CLIC5: variants seen among roughly 807,000 people sequenced by gnomAD.
The protein encoded by CLIC5 is CLIC family member 5.
In CLIC5, 20 loss-of-function variants were observed where a neutral mutation model predicts 24.7. The observed-to-expected ratio is 0.81, with a 90% CI of 0.57 to 1.18. The LOEUF (loss-of-function observed/expected upper bound fraction) is 1.18. CLIC5 is among the 50% of genes most tolerant of loss of function. The pLI is 0.00. For synonymous variants in CLIC5, 159 were observed against 135.6 expected (o/e 1.17, Z -1.20); for missense variants, 341 against 326.1 (o/e 1.05, Z -0.35).
Position 46,015,579 on chromosome 6 carries a change from A to G in CLIC5, c.-37T>C. Reference sequence around the variant, plus strand: ...CCGGGGCTACCGTCCCGGGCCGGGGAGGCGCCACCTCTGCAGCACCTGGGC... The same window carrying G: ...CCGGGGCTACCGTCCCGGGCCGGGGGGGCGCCACCTCTGCAGCACCTGGGC... On this transcript the variant is annotated 5_prime_UTR_variant, in exon 1 of 6. Coordinates refer to ENST00000339561, the MANE Select transcript of CLIC5 (RefSeq NM_016929.5). 1 of 1,540,718 alleles carries G rather than the reference A, an allele frequency of 6.5e-7. No individual in the cohort carries two copies. Among genetic ancestry groups the G allele is most frequent in the East Asian group, 2.5e-5 (1 of 39,410 alleles).
At chr6:45,917,230 C>G (rs537404680) in intron 4 of CLIC5, among the ~76,000 whole-genome samples, 1 of 152,150 alleles carries the variant, frequency 6.6e-6, no homozygotes, top group Non-Finnish European at 1.5e-5. Flanking sequence ...ATCTCAATAA[C>G]GGGACTAAGG....
intron 6 of CLIC5, among the ~76,000 whole-genome samples, chr6:45,891,272 G>C (rs1463173077): frequency 6.6e-6 from 1 of 152,110 alleles, no homozygotes; most frequent in Non-Finnish European, 1.5e-5. Flanking sequence ...AACACATTCT[G>C]CTTCTATTTT....
intron 1 of CLIC5, among the ~76,000 whole-genome samples, chr6:46,059,705 G>A (rs1034798678): frequency 2.0e-5 from 3 of 152,202 alleles, no homozygotes; most frequent in Admixed American, 1.3e-4. Flanking sequence ...CACTGCCTAG[G>A]TTTGCCCGGA....
At chr6:45,950,594 T>C (rs1764439000) in intron 2 of CLIC5, among the ~76,000 whole-genome samples, 1 of 152,096 alleles carries the variant, frequency 6.6e-6, no homozygotes, top group Non-Finnish European at 1.5e-5. Context: ...CAATAAAAAC[T>C]CATACATTTT....
chr6:45,952,708 G>A (rs1472016627), intron 2 of CLIC5, among the ~76,000 whole-genome samples: 2 of 152,142 alleles, frequency 1.3e-5, no homozygotes, highest in Non-Finnish European at 2.9e-5. Context: ...CTACGTCAAA[G>A]GGGTGTTGGC....
chr6:46,094,684 T>C, the CLIC5 span, among the ~76,000 whole-genome samples: 10 of 152,158 alleles, frequency 6.6e-5, no homozygotes, highest in Non-Finnish European at 1.0e-4. Context: ...AGGGTTCAGC[T>C]CCCACAGCTG....
rs563808750 is a variant in CLIC5 at position 45,903,111 on chromosome 6, C to T, written c.733G>A (p.Ala245Thr). 15 of 1,614,044 alleles carry T rather than the reference C, an allele frequency of 9.3e-6. No homozygotes were observed. Among genetic ancestry groups the T allele is most frequent in the African/African-American group, 4.0e-5 (3 of 75,010 alleles). The change falls in exon 6 of 6, where the codon GCC (alanine) becomes ACC (threonine). Residue 245 changes from alanine (A) to threonine (T), a missense_variant. Coordinates refer to ENST00000339561, the MANE Select transcript of CLIC5 (RefSeq NM_016929.5). ...GCTCAGGATCGGCTGAGGCGTTTGG[C>T]GACATCAGCGTAGGCCAACTCGATC... is the stretch of plus-strand genomic sequence containing the variant. ...SEIELAYADV[A>T]KRLSRS
intron 5 of CLIC5, among the ~76,000 whole-genome samples, chr6:45,906,221 T>C (rs1244387601): frequency 6.6e-6 from 1 of 152,202 alleles, no homozygotes; most frequent in African/African-American, 2.4e-5. Context: ...CACGAATTTT[T>C]AGAATAGTTT....
intron 1 of CLIC5, among the ~76,000 whole-genome samples, chr6:46,047,091 A>G (rs1294867767): frequency 1.3e-5 from 2 of 152,238 alleles, no homozygotes; most frequent in Non-Finnish European, 2.9e-5. Context: ...TTGAGCTGCA[A>G]CTGGTTAAGA....
At chr6:45,956,982 C>T (rs1216250399) in intron 1 of CLIC5, among the ~76,000 whole-genome samples, 1 of 152,132 alleles carries the variant, frequency 6.6e-6, no homozygotes, top group Non-Finnish European at 1.5e-5. Context: ...GATGTACGTT[C>T]CCTAGGAACT....
intron 1 of CLIC5, among the ~76,000 whole-genome samples, chr6:46,073,518 T>C (rs1458537354): frequency 6.6e-6 from 1 of 152,266 alleles, no homozygotes; most frequent in Non-Finnish European, 1.5e-5. Context: ...AACTAATCTT[T>C]GAAACAAAGC....
At chr6:46,122,413 TGGG>T in the CLIC5 span, among the ~76,000 whole-genome samples, 5 of 152,176 alleles carry the variant, frequency 3.3e-5, no homozygotes, top group African/African-American at 1.2e-4. Context: ...CCAGAATCTC[TGGG>T]ACACATTTAA....
downstream of CLIC5, chr6:45,880,869 C>T (rs866630941): frequency 2.2e-4 from 73 of 331,906 alleles, no homozygotes; most frequent in African/African-American, 1.2e-3. Context: ...AGCAGGGAAC[C>T]GACGGGCGTT....
intron 3 of CLIC5, among the ~76,000 whole-genome samples, chr6:45,948,130 A>T (rs902704315): frequency 1.2e-4 from 19 of 152,328 alleles, no homozygotes; most frequent in African/African-American, 4.3e-4. Context: ...AATGAATCAT[A>T]TTAGCTAAGT....
the CLIC5 span, among the ~76,000 whole-genome samples, chr6:46,107,296 T>C: frequency 2.8e-4 from 42 of 152,332 alleles, no homozygotes; most frequent in Non-Finnish European, 5.4e-4. Context: ...TTTCAGCCTT[T>C]AGATTTTGAG....
In CLIC5 at chr6:45,919,118, A is replaced by G. The variant is rs545012219; in HGVS notation, c.407-4709T>C. The G allele has an allele frequency of 2.2e-5, 22 of 985,108 alleles. No individual in the cohort carries two copies. In the Middle Eastern group the frequency reaches 1.6e-3, roughly 70 times the overall value. The allele number at this position is 985,108 out of a possible 1,614,324, so 61.0% of individuals were successfully genotyped here. A position where few individuals can be genotyped will look rare whatever the true frequency, so the allele number is the denominator to read the frequency against. On this transcript the variant is annotated intron_variant, in intron 4 of 5. Transcript: ENST00000339561. Reference sequence around the variant, plus strand: ...ACTTTAATTTCGTCCATTTTGGATTATAACCTAGTCTGATGTAATCATCTA... The same window carrying G: ...ACTTTAATTTCGTCCATTTTGGATTGTAACCTAGTCTGATGTAATCATCTA...
At chr6:46,013,046 A>T (rs1290146745) in intron 1 of CLIC5, among the ~76,000 whole-genome samples, 1 of 152,222 alleles carries the variant, frequency 6.6e-6, no homozygotes, top group Non-Finnish European at 1.5e-5. Context: ...GACAATTACA[A>T]TTACATGTCA....
the CLIC5 span, among the ~76,000 whole-genome samples, chr6:46,121,751 GA>G: frequency 9.2e-5 from 14 of 151,654 alleles, no homozygotes; most frequent in East Asian, 1.9e-3. Context: ...CCAAGCAAAT[GA>G]AAAACAAAAA....
chr6:46,035,774 C>G (rs1767641162), intron 1 of CLIC5, among the ~76,000 whole-genome samples: 1 of 151,424 alleles, frequency 6.6e-6, no homozygotes, highest in South Asian at 2.1e-4. Context: ...AAGATGGATT[C>G]TCCCTCTGTC....
Sources: gnomAD v4.1 joint callset for allele counts (sites outside exome capture counted in the v4.1 genomes callset) on GRCh38, gnomAD v4.1.1 for gene constraint, MANE v1.5 for transcripts, NCBI Gene and HGNC (gene_info 2026-07-23, HGNC 2026-07-21) for gene names.